The following LGSN variants were observed in gnomAD, a reference collection of about 807,000 sequenced individuals.
LGSN encodes the protein lengsin.
In LGSN, 21 loss-of-function variants were observed where a neutral mutation model predicts 19.5. That is an observed-to-expected ratio of 1.07 (90% CI 0.76 to 1.55). The LOEUF (loss-of-function observed/expected upper bound fraction) is 1.55. Among genes scored for constraint, LGSN ranks in the 40% most tolerant of loss-of-function variants. The pLI, the probability that LGSN is intolerant of heterozygous loss-of-function variation, is 0.00. For missense variants in LGSN, 673 were observed against 608.5 expected (o/e 1.11, Z -1.12); for synonymous variants, 257 against 215.6 (o/e 1.19, Z -1.68).
chr6:63,397,531 G>A, the LGSN span, among the ~76,000 whole-genome samples: 3 of 151,908 alleles, frequency 2.0e-5, no homozygotes, highest in Admixed American at 6.6e-5. Context: ...GTGAATCTTG[G>A]TTGTCAATTT....
chr6:63,315,921 C>T lies in LGSN; in HGVS notation c.30+3993G>A, dbSNP rs567010278. Among the ~76,000 whole-genome samples, 12 of 150,578 alleles carry T rather than the reference C, an allele frequency of 8.0e-5. 1 individual carries two copies. In the East Asian group the frequency reaches 2.3e-3, roughly 29 times the overall value. The stretch of plus-strand genomic sequence containing the variant: ...TTCAAGTGAGAGTTCAATAGTATCT[C>T]TATCTTTTGAAGTAAAACAAAGCAC... On this transcript the variant is annotated intron_variant, in intron 1 of 3. Coordinates refer to ENST00000370657, the MANE Select transcript of LGSN (RefSeq NM_016571.3).
chr6:63,405,354 A>C, the LGSN span, among the ~76,000 whole-genome samples: 1 of 152,056 alleles, frequency 6.6e-6, no homozygotes, highest in African/African-American at 2.4e-5. Flanking sequence ...TGGTATTTCT[A>C]GTTCTAGATC....
At chr6:63,472,033 C>T in the LGSN span, among the ~76,000 whole-genome samples, 5 of 152,122 alleles carry the variant, frequency 3.3e-5, no homozygotes, top group East Asian at 9.6e-4. Flanking sequence ...TAATCCTCAC[C>T]CTAACTTTAT....
chr6:63,570,625 A>C, the LGSN span, among the ~76,000 whole-genome samples: 1 of 152,202 alleles, frequency 6.6e-6, no homozygotes, highest in Non-Finnish European at 1.5e-5. Flanking sequence ...TCTGTTAATC[A>C]TTTGCTGAGT....
the LGSN span, among the ~76,000 whole-genome samples, chr6:63,535,245 A>G: frequency 6.6e-6 from 1 of 152,154 alleles, no homozygotes; most frequent in African/African-American, 2.4e-5. Context: ...AGGGCAAATC[A>G]CTTGAGGCCA....
the LGSN span, among the ~76,000 whole-genome samples, chr6:63,562,032 AT>A: frequency 6.6e-6 from 1 of 152,236 alleles, no homozygotes; most frequent in Non-Finnish European, 1.5e-5. Context: ...GAAGTTATAA[AT>A]AAAAAATTGT....
chr6:63,423,798 G>A, the LGSN span, among the ~76,000 whole-genome samples: 3 of 152,140 alleles, frequency 2.0e-5, no homozygotes, highest in African/African-American at 7.2e-5. Flanking sequence ...AACACTTTGG[G>A]GGGCCGAGTC....
At chr6:63,444,470 T>C in the LGSN span, among the ~76,000 whole-genome samples, 8 of 152,224 alleles carry the variant, frequency 5.3e-5, no homozygotes, top group Non-Finnish European at 4.4e-5. Context: ...TTGGGCTCTT[T>C]ATATGTAAGG....
At chr6:63,456,373 A>ACTTTTTTTTTTTTTTTTG in the LGSN span, among the ~76,000 whole-genome samples, 1 of 42,580 alleles carries the variant, frequency 2.3e-5, no homozygotes, top group African/African-American at 5.5e-5. Context: ...ATATATATAT[A>ACTTTTTTTTTTTTTTTTG]TATATATATA....
chr6:63,328,356 G>A, the LGSN span, among the ~76,000 whole-genome samples: 2 of 152,198 alleles, frequency 1.3e-5, no homozygotes, highest in Non-Finnish European at 2.9e-5. Context: ...GGGAGAAAAG[G>A]GGCAGGGTTG....
chr6:63,434,847 T>G, the LGSN span, among the ~76,000 whole-genome samples: 1 of 151,964 alleles, frequency 6.6e-6, no homozygotes, highest in Non-Finnish European at 1.5e-5. Context: ...CAGCGCACAG[T>G]GAAGAAAGAG....
chr6:63,298,549 G>A (rs946755233), intron 1 of LGSN, among the ~76,000 whole-genome samples: 5 of 151,900 alleles, frequency 3.3e-5, no homozygotes, highest in African/African-American at 1.2e-4. Flanking sequence ...AAAATCTTCG[G>A]CTTAGTTGAT....
At chr6:63,339,380 A>G in the LGSN span, among the ~76,000 whole-genome samples, 2 of 152,166 alleles carry the variant, frequency 1.3e-5, no homozygotes, top group African/African-American at 4.8e-5. Flanking sequence ...TATATTTACA[A>G]TTGATATATG....
the LGSN span, among the ~76,000 whole-genome samples, chr6:63,502,750 C>G: frequency 2.0e-5 from 3 of 152,174 alleles, no homozygotes; most frequent in Non-Finnish European, 4.4e-5. Flanking sequence ...TGACTAAGCT[C>G]TCTGTACAAT....
At chr6:63,335,706 C>G in the LGSN span, among the ~76,000 whole-genome samples, 4 of 152,136 alleles carry the variant, frequency 2.6e-5, no homozygotes, top group East Asian at 7.7e-4. Context: ...CTCTTATACA[C>G]TGTTAGTGGA....
At chr6:63,435,908 TA>T in the LGSN span, among the ~76,000 whole-genome samples, 150 of 138,330 alleles carry the variant, frequency 1.1e-3, 1 homozygote, top group South Asian at 2.0e-3. Context: ...TCATCCAAAT[TA>T]AAAAAAAAAA....
the LGSN span, among the ~76,000 whole-genome samples, chr6:63,434,839 G>A: frequency 6.6e-6 from 1 of 152,096 alleles, no homozygotes; most frequent in Non-Finnish European, 1.5e-5. Context: ...CAGGAAAACA[G>A]CGCACAGTGA....
At chr6:63,520,455 C>A in the LGSN span, among the ~76,000 whole-genome samples, 3 of 152,006 alleles carry the variant, frequency 2.0e-5, no homozygotes, top group Non-Finnish European at 4.4e-5. Flanking sequence ...GGCAAAACCC[C>A]ATCTGTATCA....
the LGSN span, among the ~76,000 whole-genome samples, chr6:63,563,072 T>A: frequency 6.6e-6 from 1 of 152,248 alleles, no homozygotes. Context: ...TCCACTGTCC[T>A]GATCATAGTC....
Sources: allele counts gnomAD v4.1 joint callset (sites outside exome capture counted in the v4.1 genomes callset), GRCh38; gene constraint gnomAD v4.1.1; transcripts MANE v1.5; gene names NCBI Gene and HGNC (gene_info 2026-07-23, HGNC 2026-07-21).